SDC3: variants seen among roughly 807,000 people sequenced by gnomAD.
The protein encoded by SDC3 is syndecan-3.
Under a neutral mutation model 24.4 loss-of-function variants are expected in SDC3, and 13 were observed. That is an observed-to-expected ratio of 0.53 (90% CI 0.35 to 0.85). SDC3 has a LOEUF of 0.85. SDC3 is among the 40% of genes least tolerant of loss of function. SDC3 has a pLI of 0.01. For synonymous variants in SDC3, 295 were observed against 260.9 expected (o/e 1.13, Z -1.26); for missense variants, 571 against 584.5 (o/e 0.98, Z 0.24).
chr1:30,876,846 T>G lies in SDC3; in HGVS notation c.576A>C (p.Ala192=). ...CAGTGGTGGCCGTAAAAGGGGGTGC[T>G]GCAGGGGTGCTGGGGGTGGCGGTGG... ...TVATATPSTP[A]APPFTATTAV... The change falls in exon 3 of 5, where the codon GCA becomes GCC. Residue 192 remains alanine (A), a synonymous_variant. Coordinates refer to ENST00000339394, the MANE Select transcript of SDC3 (RefSeq NM_014654.4). 6.2e-7 allele frequency: 1 copy of G among 1,613,178 alleles called. No individual in the cohort carries two copies. Among genetic ancestry groups the G allele is most frequent in the Non-Finnish European group, 8.5e-7 (1 of 1,179,672 alleles).
At chr1:30,873,918 C>G (rs1639585685) in intron 4 of SDC3, among the ~76,000 whole-genome samples, 1 of 151,960 alleles carries the variant, frequency 6.6e-6, no homozygotes, top group South Asian at 2.1e-4. Flanking sequence ...TCCACAGGGA[C>G]TGGGGTCAAA....
intron 1 of SDC3, among the ~76,000 whole-genome samples, chr1:30,880,386 G>C (rs1320158175): frequency 2.0e-5 from 3 of 151,064 alleles, no homozygotes; most frequent in Non-Finnish European, 4.4e-5. Context: ...AGGGTGGGCT[G>C]GGGGTACGAG....
At chr1:30,904,551 C>G (rs1638477768) in intron 1 of SDC3, among the ~76,000 whole-genome samples, 1 of 152,092 alleles carries the variant, frequency 6.6e-6, no homozygotes, top group Admixed American at 6.5e-5. Context: ...ACCCCCAACA[C>G]ACTGAACTCA....
chr1:30,889,348 G>A (rs1254122623), intron 1 of SDC3, among the ~76,000 whole-genome samples: 1 of 152,142 alleles, frequency 6.6e-6, no homozygotes, highest in Non-Finnish European at 1.5e-5. Context: ...ACAATGATAT[G>A]GCCCAGAGGG....
At chr1:30,885,309 CT>C (rs34167099) in intron 1 of SDC3, among the ~76,000 whole-genome samples, 9,985 of 152,176 alleles carry the variant, frequency 0.066, 381 homozygotes, top group Middle Eastern at 0.092. Flanking sequence ...GAACTTGATC[CT>C]GTTTTAATGA....
rs142712210 is a variant in SDC3 at position 30,876,699 on chromosome 1, G to A, written c.723C>T (p.Thr241=). The A allele has an allele frequency of 2.6e-4, 414 of 1,602,300 alleles. 1 individual carries two copies. The African/African-American group carries it at 4.6e-3, about 18-fold the overall frequency. Residue 241 remains threonine, a synonymous_variant, in exon 3 of 5, where the codon ACC becomes ACT. Coordinates refer to ENST00000339394, the MANE Select transcript of SDC3 (RefSeq NM_014654.4). ...SPPTTAAVLD[T]EAPTPRLVST... ...TGACCAGCCTGGGTGTTGGGGCCTCGGTGTCCAAGACAGCCGCCGTGGTGG... is the reference window on the plus strand; with the variant it reads ...TGACCAGCCTGGGTGTTGGGGCCTCAGTGTCCAAGACAGCCGCCGTGGTGG...
At chr1:30,891,198 G>A (rs927918259) in intron 1 of SDC3, among the ~76,000 whole-genome samples, 3 of 152,198 alleles carry the variant, frequency 2.0e-5, no homozygotes, top group Non-Finnish European at 4.4e-5. Context: ...GGGTCCCAGT[G>A]GTAAAACACG....
intron 1 of SDC3, among the ~76,000 whole-genome samples, chr1:30,896,379 A>G (rs1037961931): frequency 7.2e-5 from 11 of 152,152 alleles, no homozygotes; most frequent in East Asian, 1.9e-4. Context: ...GTGAAATAAC[A>G]TAATTGGGCT....
chr1:30,877,617 C>G (rs570510817), intron 2 of SDC3: 2 of 235,592 alleles, frequency 8.5e-6, no homozygotes, highest in Non-Finnish European at 1.7e-5. Context: ...GAGGCAGAGG[C>G]GGAGGGTAAA....
chr1:30,893,797 C>T (rs1356183280), intron 1 of SDC3, among the ~76,000 whole-genome samples: 7 of 152,180 alleles, frequency 4.6e-5, no homozygotes. Context: ...TCAATTTCCT[C>T]AGGGGCACAG....
chr1:30,888,367 G>T (rs1370059465), intron 1 of SDC3, among the ~76,000 whole-genome samples: 2 of 152,190 alleles, frequency 1.3e-5, no homozygotes, highest in Non-Finnish European at 2.9e-5. Flanking sequence ...ATCACTTGAA[G>T]CCAGGTGAGG....
chr1:30,908,607 C>A lies in SDC3; in HGVS notation c.-21G>T, dbSNP rs1258118055. The A allele has an allele frequency of 4.4e-6, 4 of 915,642 alleles. No homozygotes were observed. The highest frequency in any genetic ancestry group is 5.2e-6 in the Non-Finnish European group (4 of 772,970). The allele number at this position is 915,642 out of a possible 1,614,324, so 56.7% of individuals were successfully genotyped here. A position where few individuals can be genotyped will look rare whatever the true frequency, so the allele number is the denominator to read the frequency against. On this transcript the variant is annotated 5_prime_UTR_variant, in exon 1 of 5. Transcript: ENST00000339394. The stretch of plus-strand genomic sequence containing the variant: ...TTCATGGCGGCGGCGCGGGCGCGGG[C>A]GGCGGGCGGCGGGCGGGCGCCTTTG...
intron 1 of SDC3, among the ~76,000 whole-genome samples, chr1:30,889,818 TTCC>T (rs1639880220): frequency 2.6e-5 from 4 of 152,154 alleles, no homozygotes; most frequent in African/African-American, 4.8e-5. Context: ...TAAATGGAGT[TTCC>T]ATATGACTCA....
rs148673353 is a variant in SDC3, at chr1:30,883,875, T to C, written c.139-5135A>G. ...CTCCTCGAGGCAGGGAGGGAGGGTGTCTCAGCATGGCCCTCTGGATCCCTG... is the reference window on the plus strand; with the variant it reads ...CTCCTCGAGGCAGGGAGGGAGGGTGCCTCAGCATGGCCCTCTGGATCCCTG... On this transcript the variant is annotated intron_variant, in intron 1 of 4. Transcript: ENST00000339394. 2.0e-3 allele frequency among the ~76,000 whole-genome samples: 307 copies of C among 152,112 alleles called. 1 individual carries two copies. Among genetic ancestry groups the C allele is most frequent in the African/African-American group, 7.0e-3 (292 of 41,450 alleles).
upstream of SDC3, among the ~76,000 whole-genome samples, chr1:30,908,926 C>G (rs1308442160): frequency 1.3e-5 from 2 of 151,342 alleles, no homozygotes; most frequent in African/African-American, 4.8e-5. Flanking sequence ...CCAGAGGGAG[C>G]CCCGCGCTGC....
At chr1:30,885,354 TTA>T (rs1427480342) in intron 1 of SDC3, among the ~76,000 whole-genome samples, 3 of 152,248 alleles carry the variant, frequency 2.0e-5, no homozygotes, top group African/African-American at 7.2e-5. Flanking sequence ...AAATGCTGCA[TTA>T]TAACTAAAGG....
intron 2 of SDC3, chr1:30,878,084 T>C (rs1048961940): frequency 6.5e-6 from 1 of 152,860 alleles, no homozygotes; most frequent in African/African-American, 2.4e-5. Flanking sequence ...AGAAGTCGTA[T>C]TTCTCACCAT....
At chr1:30,893,335 A>G (rs1570017999) in intron 1 of SDC3, among the ~76,000 whole-genome samples, 1 of 75,524 alleles carries the variant, frequency 1.3e-5, no homozygotes, top group East Asian at 5.3e-4. Flanking sequence ...CTCATGACCA[A>G]ACATTTGTCA....
intron 1 of SDC3, among the ~76,000 whole-genome samples, chr1:30,893,442 AT>A (rs1319975861): frequency 6.6e-6 from 1 of 151,830 alleles, no homozygotes; most frequent in Non-Finnish European, 1.5e-5. Context: ...CACCTGGCCA[AT>A]GCCAGCTGCA....
Sources: gnomAD v4.1 joint callset for allele counts (sites outside exome capture counted in the v4.1 genomes callset) on GRCh38, gnomAD v4.1.1 for gene constraint, MANE v1.5 for transcripts, NCBI Gene and HGNC (gene_info 2026-07-23, HGNC 2026-07-21) for gene names.